The following OSGEPL1 variants were observed in gnomAD, a reference collection of about 807,000 sequenced individuals.
The protein encoded by OSGEPL1 is O-sialoglycoprotein endopeptidase like 1.
In OSGEPL1, 26 loss-of-function variants were observed where a neutral mutation model predicts 37.2. The ratio of observed to expected loss-of-function variants is 0.70; its 90% CI spans 0.51 to 0.97. The LOEUF (loss-of-function observed/expected upper bound fraction) is 0.97. Ranked by LOEUF, OSGEPL1 falls within the 50% of genes least tolerant of loss-of-function variation. The probability of loss-of-function intolerance (pLI) is 0.00; values close to 1 mark genes in which losing one functional copy is unlikely to be tolerated. For missense variants in OSGEPL1, 404 were observed against 487.0 expected, an observed-to-expected ratio of 0.83 and a Z score of 1.60; for synonymous variants, 140 against 159.9, an observed-to-expected ratio of 0.88 and a Z score of 0.94.
chr2:189,750,046 C>A (rs920328269), intron 8 of OSGEPL1, among the ~76,000 whole-genome samples: 1 of 152,066 alleles, frequency 6.6e-6, no homozygotes, highest in Non-Finnish European at 1.5e-5. Context: ...TCGCTTGAAC[C>A]CAGAAGGTAG....
chr2:189,759,954 A>G (rs2046742678), intron 2 of OSGEPL1, among the ~76,000 whole-genome samples: 1 of 152,094 alleles, frequency 6.6e-6, no homozygotes, highest in Non-Finnish European at 1.5e-5. Context: ...GGGAGTGGTG[A>G]TGACTCTTAA....
At chr2:189,749,289 GT>G (rs11307480) in intron 8 of OSGEPL1, among the ~76,000 whole-genome samples, 130,510 of 133,618 alleles carry the variant, frequency 0.98, 63,801 homozygotes, top group South Asian at 1. Context: ...TTACTCCACG[GT>G]TTTTTTTTTT....
At position 189,750,604 on chromosome 2, in the gene OSGEPL1, CT is replaced by C; in HGVS notation, c.1218del (p.Val407TyrfsTer4). On this transcript the variant is annotated frameshift_variant, in exon 8 of 9. Coordinates refer to ENST00000264151, the MANE Select transcript of OSGEPL1 (RefSeq NM_022353.3). LOFTEE classifies it high-confidence loss of function. ...CATATCTCCATTTTTAATTGTGGTA[CT>C]TTTATGGAAGCTTCTCCAACTTCTT... Reference protein sequence around the residue: ...ISKEVGEASIKVPQLKMEI With the variant: ...ISKEVGEASIXVPQLKMEI 2 of 1,591,226 alleles carry C rather than the reference CT, an allele frequency of 1.3e-6. No homozygotes were observed. The highest frequency in any genetic ancestry group is 1.7e-6 in the Non-Finnish European group (2 of 1,167,176).
chr2:189,762,166 A>G (rs1407178037), intron 1 of OSGEPL1, among the ~76,000 whole-genome samples: 3 of 152,180 alleles, frequency 2.0e-5, no homozygotes, highest in Non-Finnish European at 4.4e-5. Context: ...CCTAACACCT[A>G]TTTTATCCTT....
At position 189,752,917 on chromosome 2, in the gene OSGEPL1, A is replaced by G. The variant is rs2243876; in HGVS notation, c.1026T>C (p.Asn342=). 1,604,525 of 1,613,806 alleles carry G rather than the reference A, an allele frequency of 0.99. 798,043 individuals carry two copies. The highest frequency in any genetic ancestry group is 1 in the East Asian group (44,863 of 44,864). Residue 342 remains asparagine, a synonymous_variant, in exon 6 of 9, where the codon AAT becomes AAC. Coordinates refer to ENST00000264151, the MANE Select transcript of OSGEPL1 (RefSeq NM_022353.3). ...YIRRALEILT[N]ATQCTLLCPP... ...GACACAACAAAGTGCACTGTGTTGC[A>G]TTTGTTAAAATTTCCAGAGCTCTGC... is the stretch of plus-strand genomic sequence containing the variant.
chr2:189,754,221 T>A lies in OSGEPL1; in HGVS notation c.734A>T (p.His245Leu), dbSNP rs749498661. The A allele has an allele frequency of 6.2e-7, 1 of 1,613,910 alleles. No homozygotes were observed. Among genetic ancestry groups the A allele is most frequent in the Non-Finnish European group, 8.5e-7 (1 of 1,179,824 alleles). ...AAAAGAAAAATCACAATTTTTAGCA[T>A]GATGCAAGGGAGGTTTGATGTCAAA... Reference protein sequence around the residue: ...FHFDIKPPLHHAKNCDFSFTG... With the variant: ...FHFDIKPPLHLAKNCDFSFTG... The change falls in exon 4 of 9, where the codon CAT (histidine) becomes CTT (leucine). Residue 245 changes from histidine (H) to leucine (L), a missense_variant. Transcript: ENST00000264151.
At chr2:189,752,330 G>T (rs2045395822) in intron 7 of OSGEPL1, among the ~76,000 whole-genome samples, 1 of 152,104 alleles carries the variant, frequency 6.6e-6, no homozygotes, top group South Asian at 2.1e-4. Flanking sequence ...CAGCATACTT[G>T]CTGGTTCTGA....
intron 8 of OSGEPL1, 191 bp from the exon 9 acceptor site, chr2:189,747,359 A>AAAG (rs2044289692): frequency 6.6e-6 from 1 of 151,084 alleles, no homozygotes; most frequent in Non-Finnish European, 1.5e-5. Flanking sequence ...AAAAAAAAAA[A>AAAG]GTCTGAGAGT....
chr2:189,753,007 CTA>C (rs1237975080), intron 5 of OSGEPL1, 28 bp from the exon 6 acceptor site: 4 of 1,583,344 alleles, frequency 2.5e-6, no homozygotes, highest in East Asian at 2.2e-5. Context: ...ACCAAAATAA[CTA>C]TCATATATGG....
chr2:189,751,444 GTTT>G (rs779920289), intron 7 of OSGEPL1, among the ~76,000 whole-genome samples: 3 of 126,134 alleles, frequency 2.4e-5, no homozygotes, highest in Admixed American at 8.4e-5. Context: ...GACAAGTTGT[GTTT>G]TTTTTTTTTT....
intron 8 of OSGEPL1, among the ~76,000 whole-genome samples, chr2:189,749,665 T>G (rs1467725748): frequency 6.6e-6 from 1 of 152,206 alleles, no homozygotes; most frequent in Admixed American, 6.5e-5. Flanking sequence ...GAGGGATTAC[T>G]TATATGTTAA....
rs542172030 is a variant in OSGEPL1, at chr2:189,756,841, A to G, written c.222-1281T>C. ...GCCCATCCTATATTGCTGCCAGAGA[A>G]TACTCTAAAGCACATGCTACCAGTT... On this transcript the variant is annotated intron_variant, in intron 2 of 8. Transcript: ENST00000264151. 2.6e-5 allele frequency among the ~76,000 whole-genome samples: 4 copies of G among 152,312 alleles called. No homozygotes were observed. In the East Asian group the frequency reaches 7.7e-4, roughly 29 times the overall value.
chr2:189,761,260 G>A (rs933574890), intron 2 of OSGEPL1, 160 bp downstream of exon 2: 2 of 652,546 alleles, frequency 3.1e-6, no homozygotes, highest in Admixed American at 3.9e-5. Context: ...ACCCTTAAAA[G>A]CCAGGATGAA....
intron 8 of OSGEPL1, among the ~76,000 whole-genome samples, chr2:189,747,783 T>A (rs1362815802): frequency 6.6e-6 from 1 of 152,164 alleles, no homozygotes; most frequent in Non-Finnish European, 1.5e-5. Context: ...CCTCCTGGGT[T>A]CAGGCAATTC....
At chr2:189,752,589 G>A in intron 7 of OSGEPL1, 64 bp downstream of exon 7, 2 of 1,538,730 alleles carry the variant, frequency 1.3e-6, no homozygotes, top group South Asian at 2.3e-5. Context: ...ATATATAAAG[G>A]CAAAATCCAG....
chr2:189,751,307 A>G (rs1270413341), intron 7 of OSGEPL1, among the ~76,000 whole-genome samples: 1 of 152,216 alleles, frequency 6.6e-6, no homozygotes, highest in African/African-American at 2.4e-5. Context: ...ATCAGAGGAT[A>G]TACTCTATCT....
At chr2:189,750,141 T>C (rs1001934378) in intron 8 of OSGEPL1, among the ~76,000 whole-genome samples, 1 of 151,264 alleles carries the variant, frequency 6.6e-6, no homozygotes, top group Non-Finnish European at 1.5e-5. Flanking sequence ...ATAATAATGA[T>C]AAAAAAAAAT....
At chr2:189,749,903 C>T (rs891308517) in intron 8 of OSGEPL1, among the ~76,000 whole-genome samples, 13 of 152,238 alleles carry the variant, frequency 8.5e-5, no homozygotes, top group African/African-American at 2.9e-4. Context: ...AGGCAGATTG[C>T]CTGAGCTCAG....
intron 7 of OSGEPL1, among the ~76,000 whole-genome samples, chr2:189,751,304 G>A (rs981228930): frequency 1.3e-5 from 2 of 152,136 alleles, no homozygotes; most frequent in Non-Finnish European, 1.5e-5. Context: ...TGAATCAGAG[G>A]ATATACTCTA....
Sources: gnomAD v4.1 joint callset for allele counts (sites outside exome capture counted in the v4.1 genomes callset) on GRCh38, gnomAD v4.1.1 for gene constraint, MANE v1.5 for transcripts, NCBI Gene and HGNC (gene_info 2026-07-23, HGNC 2026-07-21) for gene names.